The following ATP6V0D2 variants were observed in gnomAD, a reference collection of about 807,000 sequenced individuals.
ATP6V0D2 encodes the protein ATPase H+ transporting V0 subunit d2.
A neutral mutation model predicts 40.0 loss-of-function variants in ATP6V0D2; 40 were observed. The ratio of observed to expected loss-of-function variants is 1.00; its 90% CI spans 0.78 to 1.30. ATP6V0D2 has a LOEUF of 1.30. ATP6V0D2 is among the 50% of genes most tolerant of loss of function. ATP6V0D2 has a pLI of 0.00. For missense variants in ATP6V0D2, 470 were observed against 423.1 expected, an observed-to-expected ratio of 1.11 and a Z score of -0.97; for synonymous variants, 179 against 156.3, an observed-to-expected ratio of 1.15 and a Z score of -1.08.
chr8:86,113,107 C>T (rs1818545342), intron 1 of ATP6V0D2, among the ~76,000 whole-genome samples: 2 of 151,716 alleles, frequency 1.3e-5, no homozygotes, highest in South Asian at 2.1e-4. Context: ...ACCTGTTTGC[C>T]ATCTGTGGAT....
Position 86,099,106 on chromosome 8 carries a change from A to C in ATP6V0D2, c.128A>C (p.Glu43Ala), listed in dbSNP as rs1463909840. ...YINLVQCETL[E>A]DLKIHLQTTD... Reference sequence around the variant, plus strand: ...AACCTGGTCCAGTGTGAGACCCTAGAAGGTAAGTGTAGCTCTTCTCACCCT... The same window carrying C: ...AACCTGGTCCAGTGTGAGACCCTAGCAGGTAAGTGTAGCTCTTCTCACCCT... The change falls in exon 1 of 8, where the codon GAA becomes GCA. Residue 43 changes from glutamate to alanine, a missense_variant and splice_region_variant. Transcript: ENST00000285393. The C allele has an allele frequency of 1.2e-5, 20 of 1,611,354 alleles. No homozygotes were observed. Among genetic ancestry groups the C allele is most frequent in the Non-Finnish European group, 1.5e-5 (18 of 1,179,106 alleles).
intron 4 of ATP6V0D2, 122 bp from the exon 5 acceptor site, chr8:86,142,755 C>T (rs956827158): frequency 2.6e-5 from 15 of 576,362 alleles, no homozygotes; most frequent in Non-Finnish European, 4.5e-5. Flanking sequence ...AAAATATCTT[C>T]CTATGGGAGA....
chr8:86,133,687 C>A (rs1418499313), intron 2 of ATP6V0D2, among the ~76,000 whole-genome samples: 1 of 151,818 alleles, frequency 6.6e-6, no homozygotes, highest in African/African-American at 2.4e-5. Flanking sequence ...AAACTGCAAC[C>A]CCACCCCTGT....
chr8:86,110,503 A>C (rs921680303), intron 1 of ATP6V0D2, among the ~76,000 whole-genome samples: 1 of 152,234 alleles, frequency 6.6e-6, no homozygotes, highest in Non-Finnish European at 1.5e-5. Flanking sequence ...AGGACTGATC[A>C]AGGAAGACAC....
At chr8:86,105,276 G>T (rs1326824157) in intron 1 of ATP6V0D2, among the ~76,000 whole-genome samples, 1 of 152,016 alleles carries the variant, frequency 6.6e-6, no homozygotes, top group East Asian at 1.9e-4. Context: ...TAAATATATA[G>T]CTCTATCTGC....
At chr8:86,099,910 C>T (rs1458570218) in intron 1 of ATP6V0D2, among the ~76,000 whole-genome samples, 1 of 152,060 alleles carries the variant, frequency 6.6e-6, no homozygotes, top group African/African-American at 2.4e-5. Flanking sequence ...AGGGCTTCAC[C>T]AAACTGCCAA....
In ATP6V0D2 at chr8:86,141,384, T is replaced by C. The variant is rs1818969107; in HGVS notation, c.482-66T>C. On this transcript the variant is annotated intron_variant, in intron 3 of 7. Coordinates refer to ENST00000285393, the MANE Select transcript of ATP6V0D2 (RefSeq NM_152565.1). ...TGAGCAGAGGGTGGTGTGTTCAGGA[T>C]ACGTTTTCTACAGCTTATAATCTTG... 4.6e-5 allele frequency: 56 copies of C among 1,229,974 alleles called. No individual in the cohort carries two copies. In the South Asian group the frequency reaches 7.0e-4, roughly 15 times the overall value. 76.2% of individuals were successfully genotyped at this position (1,229,974 alleles called of 1,614,324 possible).
intron 2 of ATP6V0D2, among the ~76,000 whole-genome samples, chr8:86,115,454 C>T (rs1251999302): frequency 1.4e-5 from 2 of 143,128 alleles, no homozygotes; most frequent in African/African-American, 5.2e-5. Context: ...CTGCAACCTT[C>T]GCCTCCGTGG....
chr8:86,142,625 C>CA (rs948835733), intron 4 of ATP6V0D2, among the ~76,000 whole-genome samples: 5 of 151,888 alleles, frequency 3.3e-5, no homozygotes, highest in Non-Finnish European at 4.4e-5. Context: ...CAAAACCATG[C>CA]AAAAAAAGTG....
intron 2 of ATP6V0D2, among the ~76,000 whole-genome samples, chr8:86,134,198 T>C (rs2721260): frequency 0.83 from 126,351 of 152,042 alleles, 52,601 homozygotes; most frequent in Middle Eastern, 0.88. Context: ...GAAAAAAAAA[T>C]AGCATTTTGT....
chr8:86,104,459 A>G (rs1446767034), intron 1 of ATP6V0D2, among the ~76,000 whole-genome samples: 2 of 152,218 alleles, frequency 1.3e-5, no homozygotes, highest in African/African-American at 4.8e-5. Flanking sequence ...AAGATACATT[A>G]AGTCAGAAAA....
intron 2 of ATP6V0D2, among the ~76,000 whole-genome samples, chr8:86,122,421 C>A (rs1168557698): frequency 6.6e-6 from 1 of 152,128 alleles, no homozygotes; most frequent in East Asian, 1.9e-4. Flanking sequence ...CATAATAAAC[C>A]ATTTACAGCC....
intron 3 of ATP6V0D2, among the ~76,000 whole-genome samples, chr8:86,140,378 A>G (rs1818956274): frequency 6.6e-6 from 1 of 152,202 alleles, no homozygotes; most frequent in Non-Finnish European, 1.5e-5. Flanking sequence ...CTGAGATAGC[A>G]TAGGCTGATC....
intron 6 of ATP6V0D2, 60 bp from the exon 7 acceptor site, chr8:86,151,406 T>A: frequency 8.8e-7 from 1 of 1,140,790 alleles, no homozygotes. Context: ...AGGAAAAATA[T>A]ATTTATATAC....
At chr8:86,113,633 G>T (rs1334975020) in intron 1 of ATP6V0D2, 76 bp from the exon 2 acceptor site, 15 of 1,276,128 alleles carry the variant, frequency 1.2e-5, no homozygotes, top group Non-Finnish European at 1.6e-5. Flanking sequence ...AAATTAGCAT[G>T]AATTCAACTA....
chr8:86,118,849 T>TA (rs1818630003), intron 2 of ATP6V0D2, among the ~76,000 whole-genome samples: 1 of 152,182 alleles, frequency 6.6e-6, no homozygotes, highest in Non-Finnish European at 1.5e-5. Context: ...TGACAAGTCT[T>TA]ACTCAATTCT....
Position 86,150,244 on chromosome 8 carries a change from GC to G in ATP6V0D2, c.773del (p.Ala258GlufsTer7). 2 of 1,613,220 alleles carry G rather than the reference GC, an allele frequency of 1.2e-6. No homozygotes were observed. The highest frequency in any genetic ancestry group is 1.7e-6 in the Non-Finnish European group (2 of 1,179,846). The stretch of plus-strand genomic sequence containing the variant: ...TGAGGGGTTGCGGCTGTTGGCTCAA[GC>G]AGAAGACTTTGACCAGATGAAGAAC... ...YPEGLRLLAQ[A>X]EDFDQMKNVA... On this transcript the variant is annotated frameshift_variant, in exon 6 of 8. Coordinates refer to ENST00000285393, the MANE Select transcript of ATP6V0D2 (RefSeq NM_152565.1). LOFTEE classifies it high-confidence loss of function.
At chr8:86,144,070 G>C (rs1382123928) in intron 5 of ATP6V0D2, among the ~76,000 whole-genome samples, 4 of 152,148 alleles carry the variant, frequency 2.6e-5, no homozygotes, top group Non-Finnish European at 2.9e-5. Context: ...ATTTAATTAT[G>C]TGTCAAACAC....
In ATP6V0D2 at chr8:86,152,890, A is replaced by G; in HGVS notation, c.966A>G (p.Glu322=). ...GVFYAYVKLK[E]QEIRNIVWIA... Reference sequence around the variant, plus strand: ...TTTATGCATATGTAAAGCTGAAGGAACAGGAAATTAGAAATATTGTGTGGA... The same window carrying G: ...TTTATGCATATGTAAAGCTGAAGGAGCAGGAAATTAGAAATATTGTGTGGA... The change falls in exon 8 of 8, where the codon GAA becomes GAG. Residue 322 remains glutamate, a synonymous_variant. Coordinates refer to ENST00000285393, the MANE Select transcript of ATP6V0D2 (RefSeq NM_152565.1). The G allele has an allele frequency of 1.2e-6, 2 of 1,612,898 alleles. No individual in the cohort carries two copies. Among genetic ancestry groups the G allele is most frequent in the Admixed American group, 3.3e-5 (2 of 59,770 alleles).
Sources: gnomAD v4.1 joint callset for allele counts (sites outside exome capture counted in the v4.1 genomes callset) on GRCh38, gnomAD v4.1.1 for gene constraint, MANE v1.5 for transcripts, NCBI Gene and HGNC (gene_info 2026-07-23, HGNC 2026-07-21) for gene names.